Variants in MAGI1 observed in about 807,000 individuals in gnomAD.
MAGI1 encodes membrane associated guanylate kinase, WW and PDZ domain containing 1.
A neutral mutation model predicts 139.9 loss-of-function variants in MAGI1; 58 were observed. The observed-to-expected ratio is 0.41, with a 90% CI of 0.34 to 0.52. The LOEUF is 0.52. Ranked by LOEUF, MAGI1 falls within the 20% of genes least tolerant of loss-of-function variation. The probability of loss-of-function intolerance (pLI) is 0.12; values close to 1 mark genes in which losing one functional copy is unlikely to be tolerated. For missense variants in MAGI1, 1,874 were observed against 1,901.6 expected (o/e 0.99, Z 0.27); for synonymous variants, 812 against 737.9 (o/e 1.10, Z -1.63).
intron 1 of MAGI1, among the ~76,000 whole-genome samples, chr3:65,990,029 T>C (rs2066084566): frequency 6.6e-6 from 1 of 152,116 alleles, no homozygotes; most frequent in African/African-American, 2.4e-5. Context: ...ATTAAGAAAG[T>C]AGTTCAAGAA....
chr3:65,545,830 C>G (rs75913051), intron 2 of MAGI1, among the ~76,000 whole-genome samples: 2,180 of 151,500 alleles, frequency 0.014, 33 homozygotes, highest in Middle Eastern at 0.024. Context: ...TTAGCCATGG[C>G]GAGAAAATTA....
intron 12 of MAGI1, among the ~76,000 whole-genome samples, chr3:65,413,748 G>C (rs1396471389): frequency 2.6e-5 from 4 of 152,142 alleles, no homozygotes. Flanking sequence ...CTTAAAGGCT[G>C]AGTACAGGAA....
At chr3:65,498,082 C>A (rs753499083) in intron 2 of MAGI1, among the ~76,000 whole-genome samples, 16 of 152,096 alleles carry the variant, frequency 1.1e-4, no homozygotes, top group Non-Finnish European at 2.4e-4. Context: ...CCCGCCTTCT[C>A]TTTTCTTGTA....
chr3:65,519,469 T>C (rs1385340477), intron 2 of MAGI1, among the ~76,000 whole-genome samples: 1 of 152,014 alleles, frequency 6.6e-6, no homozygotes, highest in Non-Finnish European at 1.5e-5. Flanking sequence ...CACTGCAACC[T>C]CAGCCTCCTC....
intron 1 of MAGI1, among the ~76,000 whole-genome samples, chr3:65,650,168 C>G (rs1272865847): frequency 6.6e-6 from 1 of 152,166 alleles, no homozygotes; most frequent in African/African-American, 2.4e-5. Flanking sequence ...TGCATAAATG[C>G]TCTGGTGCTC....
chr3:65,540,550 G>C (rs1162696976), intron 2 of MAGI1, among the ~76,000 whole-genome samples: 2 of 152,172 alleles, frequency 1.3e-5, no homozygotes, highest in African/African-American at 4.8e-5. Context: ...TGTTTTGAGA[G>C]TGGGTTGTAT....
At chr3:65,783,500 A>AAG (rs1419344977) in intron 1 of MAGI1, among the ~76,000 whole-genome samples, 1 of 149,022 alleles carries the variant, frequency 6.7e-6, no homozygotes, top group Non-Finnish European at 1.5e-5. Context: ...AAAAAAAAAA[A>AAG]TTTGTCTTGA....
intron 18 of MAGI1, among the ~76,000 whole-genome samples, chr3:65,373,995 A>G (rs1008914116): frequency 1.3e-5 from 2 of 152,204 alleles, no homozygotes; most frequent in African/African-American, 4.8e-5. Context: ...TATAAAGTTC[A>G]CTTTCTAGCA....
At chr3:65,916,914 T>G (rs559669484) in intron 1 of MAGI1, among the ~76,000 whole-genome samples, 2 of 152,180 alleles carry the variant, frequency 1.3e-5, no homozygotes, top group South Asian at 4.1e-4. Context: ...GTATACTTTT[T>G]AAAATCTTGG....
At chr3:65,748,872 G>A (rs1344195287) in intron 1 of MAGI1, among the ~76,000 whole-genome samples, 1 of 152,172 alleles carries the variant, frequency 6.6e-6, no homozygotes, top group Admixed American at 6.5e-5. Flanking sequence ...CTGGTGAAAT[G>A]ACACGGACAA....
At chr3:65,654,742 G>A (rs970700786) in intron 1 of MAGI1, among the ~76,000 whole-genome samples, 13 of 152,232 alleles carry the variant, frequency 8.5e-5, no homozygotes, top group Admixed American at 7.2e-4. Flanking sequence ...AGAAGCTGCA[G>A]TATGGGTCTT....
intron 2 of MAGI1, among the ~76,000 whole-genome samples, chr3:65,597,328 T>C (rs1402117559): frequency 7.3e-6 from 1 of 136,166 alleles, no homozygotes; most frequent in Non-Finnish European, 1.5e-5. Context: ...CGAGCACACT[T>C]TGGAATGCAC....
intron 18 of MAGI1, among the ~76,000 whole-genome samples, chr3:65,367,812 T>C (rs1368998523): frequency 6.6e-6 from 1 of 152,202 alleles, no homozygotes; most frequent in Non-Finnish European, 1.5e-5. Context: ...TCATATCTAA[T>C]TGGAACATTC....
chr3:65,815,433 T>C (rs574450977), intron 1 of MAGI1, among the ~76,000 whole-genome samples: 3 of 152,288 alleles, frequency 2.0e-5, no homozygotes, highest in African/African-American at 7.2e-5. Flanking sequence ...GCAGACTCTA[T>C]AGATGCCTTC....
intron 1 of MAGI1, among the ~76,000 whole-genome samples, chr3:65,707,832 T>C (rs2030640208): frequency 1.3e-5 from 2 of 152,236 alleles, no homozygotes; most frequent in African/African-American, 4.8e-5. Flanking sequence ...CTTTAAACTA[T>C]ATTGATAGCT....
intron 2 of MAGI1, among the ~76,000 whole-genome samples, chr3:65,544,365 C>T (rs2079401971): frequency 6.6e-6 from 1 of 152,070 alleles, no homozygotes; most frequent in African/African-American, 2.4e-5. Context: ...ATAATGCACA[C>T]TGTGGGGAAC....
intron 2 of MAGI1, among the ~76,000 whole-genome samples, chr3:65,517,081 C>T (rs1259568804): frequency 2.0e-5 from 3 of 152,174 alleles, no homozygotes; most frequent in Non-Finnish European, 2.9e-5. Context: ...GGTTTTCCTA[C>T]TCTGGAAGCT....
At chr3:65,591,462 C>A (rs1435627375) in intron 2 of MAGI1, among the ~76,000 whole-genome samples, 1 of 152,148 alleles carries the variant, frequency 6.6e-6, no homozygotes, top group African/African-American at 2.4e-5. Flanking sequence ...TAATCTCACA[C>A]CAGGATTATA....
chr3:65,417,458 G>GT (rs1946309923), intron 12 of MAGI1, among the ~76,000 whole-genome samples: 2 of 150,724 alleles, frequency 1.3e-5, no homozygotes, highest in African/African-American at 4.9e-5. Context: ...TGGAACCAAA[G>GT]TAAGGGTAGG....
Sources: gnomAD v4.1 joint callset for allele counts (sites outside exome capture counted in the v4.1 genomes callset) on GRCh38, gnomAD v4.1.1 for gene constraint, MANE v1.5 for transcripts, NCBI Gene and HGNC (gene_info 2026-07-23, HGNC 2026-07-21) for gene names.